Variants in CFAP70 observed in about 807,000 individuals in gnomAD.
CFAP70 encodes cilia- and flagella-associated protein 70.
A neutral mutation model predicts 137.6 loss-of-function variants in CFAP70; 81 were observed. That is an observed-to-expected ratio of 0.59 (90% CI 0.49 to 0.71). The LOEUF (loss-of-function observed/expected upper bound fraction) is 0.71, where lower values mean the gene tolerates loss of function less well. Among genes scored for constraint, CFAP70 ranks in the 30% least tolerant of loss-of-function variants. The probability of loss-of-function intolerance (pLI) is 0.00; values close to 1 mark genes in which losing one functional copy is unlikely to be tolerated. For synonymous variants in CFAP70, 382 were observed against 423.6 expected (o/e 0.90, Z 1.20); for missense variants, 976 against 1,226.7 (o/e 0.80, Z 3.05).
rs1246639287 is a variant in CFAP70, at chr10:73,358,031, C to T, written c.-40+683G>A. On this transcript the variant is annotated intron_variant, in intron 1 of 26. Transcript: ENST00000310715. ...GCCTAACTTCTCTAAGCCTCAGTTTCACCTTCTGTAAAATGGATAACTTCC... is the reference window on the plus strand; with the variant it reads ...GCCTAACTTCTCTAAGCCTCAGTTTTACCTTCTGTAAAATGGATAACTTCC... 7.9e-5 allele frequency among the ~76,000 whole-genome samples: 12 copies of T among 152,390 alleles called. No individual in the cohort carries two copies. In the South Asian group the frequency reaches 2.5e-3, roughly 32 times the overall value.
chr10:73,338,603 G>A (rs139884155), intron 6 of CFAP70, among the ~76,000 whole-genome samples: 1,647 of 150,316 alleles, frequency 0.011, 27 homozygotes, highest in African/African-American at 0.035. Flanking sequence ...GCCAATTCTT[G>A]TATTTTTAGT....
At chr10:73,312,664 CA>C (rs750888006) in intron 9 of CFAP70, 21 bp from the exon 11 acceptor site, 40 of 1,515,286 alleles carry the variant, frequency 2.6e-5, no homozygotes, top group South Asian at 1.1e-4. Flanking sequence ...AAAAAACAAA[CA>C]AAAAAAAGCA....
chr10:73,262,774 G>A lies in CFAP70; in HGVS notation c.3028-6358C>T, dbSNP rs1253813895. The stretch of plus-strand genomic sequence containing the variant: ...CTTGGAACATATCCCTGGGGAACAA[G>A]GAGGGATTACTGTATGTGTGTGTGT... On this transcript the variant is annotated intron_variant, in intron 25 of 26. Coordinates refer to ENST00000310715, the Ensembl canonical transcript of CFAP70. Among the ~76,000 whole-genome samples the A allele has an allele frequency of 2.6e-5, 4 of 152,134 alleles. No homozygotes were observed. In the East Asian group the frequency reaches 7.7e-4, roughly 29 times the overall value.
At chr10:73,353,856 G>A (rs180986847) in intron 2 of CFAP70, 114 bp from the exon 3 acceptor site, 35 of 880,444 alleles carry the variant, frequency 4.0e-5, no homozygotes, top group Middle Eastern at 6.9e-4. Context: ...TTCCTAACGA[G>A]CAACATCACA....
chr10:73,312,426 TG>T lies in CFAP70; in HGVS notation c.1083+46del, dbSNP rs530979226. ...CCAAGTGAGAAATCAGTGAAGCCTC[TG>T]GAATGTAATCTAAGAGGCAAAATCA... On this transcript the variant is annotated intron_variant, in intron 10 of 26. Transcript: ENST00000310715. 508 of 1,411,322 alleles carry T rather than the reference TG, an allele frequency of 3.6e-4. 4 individuals carry two copies. The African/African-American group carries it at 6.5e-3, about 18-fold the overall frequency. 87.4% of individuals were successfully genotyped at this position (1,411,322 alleles called of 1,614,324 possible). A position where few individuals can be genotyped will look rare whatever the true frequency, so the allele number is the denominator to read the frequency against.
intron 3 of CFAP70, among the ~76,000 whole-genome samples, chr10:73,350,006 C>T (rs190765735): frequency 2.6e-3 from 397 of 152,308 alleles, no homozygotes; most frequent in African/African-American, 8.5e-3. Context: ...CCTTAATTCA[C>T]CTAGTGTCCA....
intron 12 of CFAP70, among the ~76,000 whole-genome samples, chr10:73,302,895 T>TG (rs2049063986): frequency 6.7e-6 from 1 of 150,090 alleles, no homozygotes; most frequent in African/African-American, 2.5e-5. Flanking sequence ...TTTTTTTTTT[T>TG]TTTTGAGAGA....
chr10:73,333,999 G>T (rs1206650117), intron 7 of CFAP70, among the ~76,000 whole-genome samples: 1 of 152,116 alleles, frequency 6.6e-6, no homozygotes, highest in Non-Finnish European at 1.5e-5. Context: ...GTGACCAGGG[G>T]TATATAAAAA....
chr10:73,362,382 G>C (rs1466413333), upstream of CFAP70, among the ~76,000 whole-genome samples: 1 of 152,146 alleles, frequency 6.6e-6, no homozygotes, highest in Admixed American at 6.5e-5. Context: ...ACTTTGGGAA[G>C]TATGAACATT....
In CFAP70 at chr10:73,275,982, G is replaced by T. The variant is rs2046695486; in HGVS notation, c.2521-384C>A. 1.3e-5 allele frequency: 2 copies of T among 155,594 alleles called. No homozygotes were observed. The highest frequency in any genetic ancestry group is 2.8e-5 in the Non-Finnish European group (2 of 70,438). The allele number at this position is 155,594 out of a possible 1,614,324, so 9.6% of individuals were successfully genotyped here. On this transcript the variant is annotated intron_variant, in intron 21 of 26. Transcript: ENST00000310715. The surrounding 1 kb of genome is among the most constrained non-coding windows in gnomAD (Gnocchi z 4.0). ...GACATTGTAAGGAAACTTAAGTGAG[G>T]TAAAACTGCCTTTCTAACAATCTAG...
intron 19 of CFAP70, among the ~76,000 whole-genome samples, chr10:73,284,207 C>T (rs1202614534): frequency 1.3e-5 from 2 of 152,074 alleles, no homozygotes; most frequent in Non-Finnish European, 2.9e-5. Flanking sequence ...GTTTGTAGCC[C>T]CTTTCCTCCA....
chr10:73,309,658 A>ATTTTTTCTTTTTTTTTTT (rs2049725939), intron 12 of CFAP70, among the ~76,000 whole-genome samples: 1 of 136,424 alleles, frequency 7.3e-6, no homozygotes, highest in African/African-American at 2.8e-5. Flanking sequence ...TTTCCTAAGA[A>ATTTTTTCTTTTTTTTTTT]TTTTTTTTTT....
intron 14 of CFAP70, among the ~76,000 whole-genome samples, chr10:73,297,451 T>C (rs900575414): frequency 1.3e-5 from 2 of 152,104 alleles, no homozygotes; most frequent in Non-Finnish European, 2.9e-5. Context: ...AATCTGAGCA[T>C]TAGGTTTAGG....
intron 19 of CFAP70, 126 bp from the exon 21 acceptor site, chr10:73,278,463 T>G: frequency 1.4e-6 from 1 of 718,152 alleles, no homozygotes; most frequent in South Asian, 2.4e-5. Context: ...AGGACAGACT[T>G]GTTTGGTAGA....
At chr10:73,325,446 A>T (rs1357502065) in intron 8 of CFAP70, among the ~76,000 whole-genome samples, 1 of 152,192 alleles carries the variant, frequency 6.6e-6, no homozygotes, top group Non-Finnish European at 1.5e-5. Context: ...CAAAATAACC[A>T]GCTAACATCA....
intron 1 of CFAP70, 139 bp from the exon 2 acceptor site, chr10:73,354,974 G>A: frequency 3.3e-6 from 2 of 601,412 alleles, no homozygotes; most frequent in East Asian, 5.7e-5. Context: ...TCCAACCTTT[G>A]CTGTTGGACA....
At chr10:73,289,843 C>T (rs1350852439) in intron 19 of CFAP70, among the ~76,000 whole-genome samples, 1 of 151,874 alleles carries the variant, frequency 6.6e-6, no homozygotes, top group Non-Finnish European at 1.5e-5. Flanking sequence ...GTCAGGCATT[C>T]GAGGCCAGCC....
chr10:73,273,078 G>T, intron 23 of CFAP70, 61 bp from the exon 25 acceptor site: 2 of 1,265,418 alleles, frequency 1.6e-6, no homozygotes, highest in Non-Finnish European at 2.3e-6. Flanking sequence ...ATATTGCTGG[G>T]ATGATCATGG....
At chr10:73,277,016 G>A (rs547194282) in intron 21 of CFAP70, 49 of 381,742 alleles carry the variant, frequency 1.3e-4, no homozygotes, top group Non-Finnish European at 2.1e-4. Context: ...ATTTAGCTCT[G>A]TTGGTATTCT....
Sources: gnomAD v4.1 joint callset for allele counts (sites outside exome capture counted in the v4.1 genomes callset) on GRCh38, gnomAD v4.1.1 for gene constraint, Gnocchi (gnomAD v3.1) non-coding constraint, MANE v1.5 for transcripts, NCBI Gene and HGNC (gene_info 2026-07-23, HGNC 2026-07-21) for gene names.